POPDC2: variants seen among roughly 807,000 people sequenced by gnomAD.
The protein encoded by POPDC2 is popeye domain cAMP effector 2, also known as popeye domain-containing protein 2.
A neutral mutation model predicts 30.5 loss-of-function variants in POPDC2; 24 were observed. The ratio of observed to expected loss-of-function variants is 0.79; its 90% CI spans 0.57 to 1.11. The LOEUF (loss-of-function observed/expected upper bound fraction) is 1.11, where lower values mean the gene tolerates loss of function less well. Among genes scored for constraint, POPDC2 ranks in the 50% least tolerant of loss-of-function variants. POPDC2 has a pLI of 0.00. For missense variants in POPDC2, 409 were observed against 447.0 expected, an observed-to-expected ratio of 0.91 and a Z score of 0.77; for synonymous variants, 185 against 183.3, an observed-to-expected ratio of 1.01 and a Z score of -0.07.
chr3:119,647,318 C>T (rs2052756251), intron 3 of POPDC2, among the ~76,000 whole-genome samples: 1 of 151,654 alleles, frequency 6.6e-6, no homozygotes, highest in South Asian at 2.2e-4. Flanking sequence ...AAAAACATCA[C>T]AGTATTATGA....
chr3:119,644,630 T>C (rs546621626), intron 3 of POPDC2, among the ~76,000 whole-genome samples: 15 of 152,276 alleles, frequency 9.9e-5, no homozygotes, highest in African/African-American at 3.1e-4. Flanking sequence ...TTAATTTGGA[T>C]TGGTGTGAGA....
chr3:119,654,631 G>A lies in POPDC2; in HGVS notation c.492-18C>T, dbSNP rs765919661. 1 of 1,600,648 alleles carries A rather than the reference G, an allele frequency of 6.2e-7. No individual in the cohort carries two copies. Among genetic ancestry groups the A allele is most frequent in the East Asian group, 2.2e-5 (1 of 44,812 alleles). On this transcript the variant is annotated intron_variant, in intron 1 of 3. Transcript: ENST00000493094. ...CACGAACCCTGGCAAGGGAAGAGAA[G>A]AGATCATGTGGGAAAAGGAAAATGG... is the stretch of plus-strand genomic sequence containing the variant.
intron 3 of POPDC2, among the ~76,000 whole-genome samples, chr3:119,645,505 G>C (rs781771310): frequency 4.7e-5 from 7 of 150,322 alleles, no homozygotes; most frequent in Non-Finnish European, 1.0e-4. Context: ...GGAGCTTGCA[G>C]TGAGCCGAGA....
chr3:119,646,328 G>T (rs908841326), intron 3 of POPDC2, among the ~76,000 whole-genome samples: 4 of 152,076 alleles, frequency 2.6e-5, no homozygotes, highest in African/African-American at 7.2e-5. Flanking sequence ...ATAGAAAATG[G>T]ACACTTAAGA....
Position 119,660,237 on chromosome 3 carries a change from AC to A in POPDC2, c.186del (p.Cys63AlafsTer76). The A allele has an allele frequency of 6.2e-7, 1 of 1,614,204 alleles. No individual in the cohort carries two copies. The highest frequency in any genetic ancestry group is 8.5e-7 in the Non-Finnish European group (1 of 1,180,028). ...CTGAACCAGCCCCACAGCACGCAGC[AC>A]AGGTAACCTGCACTCAGGAAGCCAA... ...YLFGFLSAGY[L>X]CCVLWGWFSA... On this transcript the variant is annotated frameshift_variant, in exon 1 of 4. Transcript: ENST00000493094. LOFTEE classifies it high-confidence loss of function.
At chr3:119,655,637 C>G (rs1454797107) in intron 1 of POPDC2, among the ~76,000 whole-genome samples, 1 of 152,222 alleles carries the variant, frequency 6.6e-6, no homozygotes, top group Non-Finnish European at 1.5e-5. Flanking sequence ...CCAGACTCTG[C>G]TAGACACTTT....
chr3:119,660,518 A>G lies in POPDC2; in HGVS notation c.-95T>C. 1 of 1,401,734 alleles carries G rather than the reference A, an allele frequency of 7.1e-7. No individual in the cohort carries two copies. Among genetic ancestry groups the G allele is most frequent in the Non-Finnish European group, 9.5e-7 (1 of 1,057,338 alleles). 86.8% of individuals were successfully genotyped at this position (1,401,734 alleles called of 1,614,324 possible). A position where few individuals can be genotyped will look rare whatever the true frequency, so the allele number is the denominator to read the frequency against. On this transcript the variant is annotated 5_prime_UTR_variant, in exon 1 of 4. Transcript: ENST00000493094. ...AATCCATCCGCTCAGGGGTCTTCTC[A>G]CCTCCGGCTTCTCACTACCGACTCC...
At chr3:119,647,236 T>C (rs2052755323) in intron 3 of POPDC2, among the ~76,000 whole-genome samples, 1 of 152,204 alleles carries the variant, frequency 6.6e-6, no homozygotes, top group Non-Finnish European at 1.5e-5. Context: ...GGGAGGCGCC[T>C]TCCAAATTGG....
Position 119,643,335 on chromosome 3 carries a change from T to C in POPDC2, c.*44-774A>G, listed in dbSNP as rs980946052. On this transcript the variant is annotated intron_variant, in intron 3 of 3. Coordinates refer to ENST00000493094, the MANE Select transcript of POPDC2 (RefSeq NM_001369919.2). ...ATTCAGGGGCTAAAGAGCTAGCACA[T>C]GTTTTCTTTAGGCCTCCACTTTTTG... is the stretch of plus-strand genomic sequence containing the variant. 19 of 1,399,512 alleles carry C rather than the reference T, an allele frequency of 1.4e-5. No individual in the cohort carries two copies. The African/African-American group carries it at 2.7e-4, about 20-fold the overall frequency. 86.7% of individuals were successfully genotyped at this position (1,399,512 alleles called of 1,614,324 possible). A position where few individuals can be genotyped will look rare whatever the true frequency, so the allele number is the denominator to read the frequency against.
chr3:119,647,025 T>C (rs1167708675), intron 3 of POPDC2, among the ~76,000 whole-genome samples: 3 of 152,208 alleles, frequency 2.0e-5, no homozygotes. Context: ...AGGATGCTGG[T>C]AACACAGGAG....
intron 1 of POPDC2, among the ~76,000 whole-genome samples, chr3:119,658,386 C>T (rs2052902184): frequency 6.6e-6 from 1 of 152,222 alleles, no homozygotes; most frequent in African/African-American, 2.4e-5. Context: ...CCCCCCTCTC[C>T]CCTTCACTGG....
intron 3 of POPDC2, among the ~76,000 whole-genome samples, chr3:119,647,709 T>C (rs1436815876): frequency 6.6e-6 from 1 of 152,166 alleles, no homozygotes; most frequent in East Asian, 1.9e-4. Context: ...AAATAACAAC[T>C]GCTTTCCAGG....
At chr3:119,645,951 C>T (rs1003302430) in intron 3 of POPDC2, among the ~76,000 whole-genome samples, 1 of 152,164 alleles carries the variant, frequency 6.6e-6, no homozygotes, top group Non-Finnish European at 1.5e-5. Context: ...TGCAAAAAGT[C>T]ACATATTTGA....
intron 2 of POPDC2, among the ~76,000 whole-genome samples, chr3:119,651,343 T>A (rs2052806061): frequency 7.0e-6 from 1 of 143,648 alleles, no homozygotes; most frequent in Non-Finnish European, 1.5e-5. Context: ...TGCCACCATT[T>A]CTCCCTTGCA....
At chr3:119,644,509 T>A (rs2052724099) in intron 3 of POPDC2, among the ~76,000 whole-genome samples, 1 of 152,230 alleles carries the variant, frequency 6.6e-6, no homozygotes. Flanking sequence ...TTTTGCCTAT[T>A]AAGAGAAGCA....
chr3:119,646,281 A>G (rs532592405), intron 3 of POPDC2, among the ~76,000 whole-genome samples: 1 of 152,288 alleles, frequency 6.6e-6, no homozygotes, highest in South Asian at 2.1e-4. Flanking sequence ...GAAGAAAACA[A>G]GAGACAAGTG....
intron 2 of POPDC2, among the ~76,000 whole-genome samples, chr3:119,652,578 C>G (rs1455349805): frequency 6.6e-6 from 1 of 152,162 alleles, no homozygotes; most frequent in Non-Finnish European, 1.5e-5. Flanking sequence ...TTGAGCGTAA[C>G]TTAGGGGAGG....
At chr3:119,654,793 A>G in intron 1 of POPDC2, 180 bp from the exon 2 acceptor site, 1 of 572,494 alleles carries the variant, frequency 1.7e-6, no homozygotes. Flanking sequence ...AGTTCAGAAA[A>G]GGAACCCATT....
intron 1 of POPDC2, among the ~76,000 whole-genome samples, chr3:119,657,471 T>C (rs1295710289): frequency 6.6e-6 from 1 of 151,896 alleles, no homozygotes; most frequent in Non-Finnish European, 1.5e-5. Flanking sequence ...TAAATATGTA[T>C]GGAAGGGGGA....
Sources: gnomAD v4.1 joint callset for allele counts (sites outside exome capture counted in the v4.1 genomes callset) on GRCh38, gnomAD v4.1.1 for gene constraint, MANE v1.5 for transcripts, NCBI Gene and HGNC (gene_info 2026-07-23, HGNC 2026-07-21) for gene names.